PCNX2: variants seen among roughly 807,000 people sequenced by gnomAD.
The protein encoded by PCNX2 is pecanex-like protein 2.
PCNX2 carries 168 observed loss-of-function variants against 223.8 expected under a neutral mutation model. The observed-to-expected ratio is 0.75, with a 90% confidence interval of 0.66 to 0.85. The LOEUF (loss-of-function observed/expected upper bound fraction) is 0.85, where lower values mean the gene tolerates loss of function less well. PCNX2 is among the 40% of genes least tolerant of loss of function. PCNX2 has a pLI of 0.00. For missense variants in PCNX2, 2,507 were observed against 2,675.5 expected (o/e 0.94, Z 1.39); for synonymous variants, 1,006 against 1,052.6 (o/e 0.96, Z 0.86).
chr1:233,190,252 A>G (rs2102876972), intron 15 of PCNX2, among the ~76,000 whole-genome samples: 1 of 152,318 alleles, frequency 6.6e-6, no homozygotes, highest in Non-Finnish European at 1.5e-5. Flanking sequence ...AGTAAGCATA[A>G]AAGGCATAAA....
At chr1:233,304,957 T>C in the PCNX2 span, among the ~76,000 whole-genome samples, 41 of 152,296 alleles carry the variant, frequency 2.7e-4, no homozygotes, top group Middle Eastern at 3.4e-3. Flanking sequence ...TTAGTGTTCC[T>C]GAATAACAGA....
chr1:233,241,951 T>G (rs1029062115), intron 8 of PCNX2, among the ~76,000 whole-genome samples: 1 of 152,198 alleles, frequency 6.6e-6, no homozygotes, highest in Non-Finnish European at 1.5e-5. Context: ...TCTGCCTGCT[T>G]ATCTTCTTTG....
In PCNX2 at chr1:233,119,403, C is replaced by CAAA. The variant is rs71173251; in HGVS notation, c.3837+15607_3837+15609dup. Among the ~76,000 whole-genome samples the CAAA allele has an allele frequency of 6.1e-3, 237 of 38,614 alleles. 9 individuals are homozygous for CAAA. Among genetic ancestry groups the CAAA allele is most frequent in the Middle Eastern group, 0.024 (1 of 42 alleles). 25.3% of individuals were successfully genotyped at this position (38,614 alleles called of 152,430 possible). A position where few individuals can be genotyped will look rare whatever the true frequency, so the allele number is the denominator to read the frequency against. On this transcript the variant is annotated intron_variant, in intron 21 of 33. Transcript: ENST00000258229. ...TGAAACCCCGTCTCTACTAAAAATA[C>CAAA]AAAAAAAAAAAAAAAAAAAAAAAAA...
chr1:233,262,192 C>T, intron 2 of PCNX2, 27 bp from the exon 3 acceptor site: 1 of 1,612,532 alleles, frequency 6.2e-7, no homozygotes, highest in East Asian at 2.2e-5. Context: ...AACACAAGAG[C>T]AGTGAGCGAT....
chr1:232,989,702 C>T (rs2102779525), intron 32 of PCNX2, among the ~76,000 whole-genome samples: 1 of 152,336 alleles, frequency 6.6e-6, no homozygotes, highest in South Asian at 2.1e-4. Context: ...ATACACAGGA[C>T]AAACCTGCAA....
Position 233,280,642 on chromosome 1 carries a change from G to A in PCNX2, c.153+14684C>T, listed in dbSNP as rs144332649. Among the ~76,000 whole-genome samples the A allele has an allele frequency of 6.9e-3, 1,046 of 152,206 alleles. 8 individuals carry two copies. Among genetic ancestry groups the A allele is most frequent in the Non-Finnish European group, 0.01 (696 of 68,022 alleles). ...TTATTCCTAGAGCCATGTAAAAATG[G>A]TAAGTCTTATGAGGATGAGGCCAGG... is the stretch of plus-strand genomic sequence containing the variant. On this transcript the variant is annotated intron_variant, in intron 1 of 33. Transcript: ENST00000258229.
In PCNX2 at chr1:233,227,266, C is replaced by A. The variant is rs1458805751; in HGVS notation, c.2464G>T (p.Val822Phe). The A allele has an allele frequency of 1.2e-6, 2 of 1,613,430 alleles. No homozygotes were observed. Among genetic ancestry groups the A allele is most frequent in the Non-Finnish European group, 1.7e-6 (2 of 1,179,616 alleles). ...AGCAAGGTCAGTCGATCATACCAGA[C>A]TTTAATCCACTTGCCAGGGAAAATG... ...FIIFPGKWIK[V>F]WYDRLTLLAL... The change falls in exon 10 of 34, where the codon GTC (valine) becomes TTC (phenylalanine). Residue 822 changes from valine (V) to phenylalanine (F), a missense_variant. Physicochemically the swap from Val to Phe is conservative, Grantham distance 50. Coordinates refer to ENST00000258229, the MANE Select transcript of PCNX2 (RefSeq NM_014801.4).
the PCNX2 span, among the ~76,000 whole-genome samples, chr1:233,322,599 A>T: frequency 6.6e-6 from 1 of 152,104 alleles, no homozygotes; most frequent in Non-Finnish European, 1.5e-5. Context: ...TCGACTCAAG[A>T]GAGGGGTAAA....
chr1:233,252,782 C>T lies in PCNX2; in HGVS notation c.1841G>A (p.Cys614Tyr). The T allele has an allele frequency of 6.2e-7, 1 of 1,606,304 alleles. No individual in the cohort carries two copies. Among genetic ancestry groups the T allele is most frequent in the South Asian group, 1.1e-5 (1 of 89,318 alleles). ...NEESGLLRDN[C>Y]SQEKKEEILE... ...GATTTCCTCCTTTTTTTCCTGGGAA[C>T]AGTTATCTGAAAAACATTGCTTTAC... is the stretch of plus-strand genomic sequence containing the variant. Residue 614 changes from cysteine (C) to tyrosine (Y), a missense_variant, in exon 6 of 34, where the codon TGT becomes TAT. By Grantham distance (194) the Cys-to-Tyr change is radical. This residue lies in a region of PCNX2 where 1,031 missense variants were observed against 1,021.7 expected (regional missense o/e 1.01). Transcript: ENST00000258229.
At chr1:232,988,071 C>T (rs1669557580) in intron 32 of PCNX2, among the ~76,000 whole-genome samples, 1 of 152,204 alleles carries the variant, frequency 6.6e-6, no homozygotes, top group Non-Finnish European at 1.5e-5. Context: ...TGAATATATT[C>T]CTCTTACAGA....
chr1:233,005,660 T>A (rs1670258109), intron 28 of PCNX2, among the ~76,000 whole-genome samples: 1 of 152,152 alleles, frequency 6.6e-6, no homozygotes, highest in African/African-American at 2.4e-5. Context: ...ATTACCTGGC[T>A]TTTTTCCCCC....
Position 233,042,166 on chromosome 1 carries a change from C to T in PCNX2, c.4351+12102G>A, listed in dbSNP as rs138573565. 9.2e-5 allele frequency among the ~76,000 whole-genome samples: 14 copies of T among 152,270 alleles called. No individual in the cohort carries two copies. The South Asian group carries it at 1.9e-3, about 20-fold the overall frequency. ...AATATTCAACTTGTATATTTCCCTA[C>T]GCCCTTCATTCTTCCCCATTCCATC... On this transcript the variant is annotated intron_variant, in intron 25 of 33. Coordinates refer to ENST00000258229, the MANE Select transcript of PCNX2 (RefSeq NM_014801.4).
intron 12 of PCNX2, among the ~76,000 whole-genome samples, chr1:233,213,095 A>T (rs987612749): frequency 2.6e-5 from 4 of 152,220 alleles, no homozygotes; most frequent in African/African-American, 7.2e-5. Flanking sequence ...CTACCTGACC[A>T]GTCCTCCTCA....
At chr1:233,205,324 T>C (rs2102904396) in intron 13 of PCNX2, among the ~76,000 whole-genome samples, 1 of 152,366 alleles carries the variant, frequency 6.6e-6, no homozygotes, top group Non-Finnish European at 1.5e-5. Flanking sequence ...ACGGTCCAAA[T>C]GGACTATAGC....
chr1:233,171,548 G>A (rs1679152428), intron 17 of PCNX2, among the ~76,000 whole-genome samples: 1 of 152,148 alleles, frequency 6.6e-6, no homozygotes, highest in African/African-American at 2.4e-5. Flanking sequence ...TGATAAGGGA[G>A]CTTGCAGCCT....
chr1:233,188,183 G>T (rs1246005241), intron 15 of PCNX2, among the ~76,000 whole-genome samples: 2 of 152,134 alleles, frequency 1.3e-5, no homozygotes, highest in Non-Finnish European at 2.9e-5. Context: ...GTCAGTGTTG[G>T]CTGGACCTCT....
chr1:233,186,516 C>T (rs181574427), intron 15 of PCNX2, among the ~76,000 whole-genome samples: 2 of 152,220 alleles, frequency 1.3e-5, no homozygotes, highest in East Asian at 1.9e-4. Flanking sequence ...CTGGCATCCC[C>T]GAACCCCTAG....
At chr1:233,148,774 T>C (rs1677619339) in intron 19 of PCNX2, among the ~76,000 whole-genome samples, 2 of 152,204 alleles carry the variant, frequency 1.3e-5, no homozygotes, top group Admixed American at 6.5e-5. Flanking sequence ...AATGACACGC[T>C]TCAGTCTCTA....
At chr1:233,179,724 T>G (rs186570325) in intron 15 of PCNX2, among the ~76,000 whole-genome samples, 10 of 152,334 alleles carry the variant, frequency 6.6e-5, no homozygotes, top group African/African-American at 1.9e-4. Context: ...CTATCAACTA[T>G]CAGTTCTTAC....
Sources: allele counts gnomAD v4.1 joint callset (sites outside exome capture counted in the v4.1 genomes callset), GRCh38; gene constraint gnomAD v4.1.1; regional missense constraint gnomAD v4.1.1; transcripts MANE v1.5; gene names NCBI Gene and HGNC (gene_info 2026-07-23, HGNC 2026-07-21).